The following ROBO1 variants were observed in gnomAD, a reference collection of about 807,000 sequenced individuals.
ROBO1 encodes roundabout homolog 1.
ROBO1 carries 149 observed loss-of-function variants against 195.9 expected under a neutral mutation model. That is an observed-to-expected ratio of 0.76 (90% CI 0.67 to 0.87). The LOEUF (loss-of-function observed/expected upper bound fraction) is 0.87, where lower values mean the gene tolerates loss of function less well. ROBO1 is among the 40% of genes least tolerant of loss of function. ROBO1 has a pLI of 0.00. For synonymous variants in ROBO1, 816 were observed against 733.2 expected (o/e 1.11, Z -1.82); for missense variants, 1,933 against 2,068.3 (o/e 0.93, Z 1.27).
At position 78,938,821 on chromosome 3, in the gene ROBO1, G is replaced by T; in HGVS notation, c.279C>A (p.Gly93=). 5.0e-6 allele frequency: 8 copies of T among 1,613,986 alleles called. No homozygotes were observed. Among genetic ancestry groups the T allele is most frequent in the Non-Finnish European group, 6.8e-6 (8 of 1,179,880 alleles). The part of the protein sequence containing the change: ...EPATLNCKAE[G]RPTPTIEWYK... ...ACCATTCAATAGTGGGTGTGGGGCG[G>T]CCTTCAGCTTTGCAGTTCAAAGTTG... The change falls in exon 4 of 31, where the codon GGC becomes GGA. Residue 93 remains glycine (G), a synonymous_variant. Coordinates refer to ENST00000464233, the MANE Select transcript of ROBO1 (RefSeq NM_002941.4).
rs1368005186 is a variant in ROBO1, at chr3:79,062,154, GA to G, written c.172+63301del. Among the ~76,000 whole-genome samples the G allele has an allele frequency of 1.1e-4, 17 of 150,568 alleles. No individual in the cohort carries two copies. The East Asian group carries it at 2.6e-3, about 23-fold the overall frequency. On this transcript the variant is annotated intron_variant, in intron 3 of 30. Coordinates refer to ENST00000464233, the MANE Select transcript of ROBO1 (RefSeq NM_002941.4). Reference sequence around the variant, plus strand: ...ACACAGAACTTAAATAAATTAACGAGAAAAAAAACAAACCCATCAAAAAGTG... The same window carrying G: ...ACACAGAACTTAAATAAATTAACGAGAAAAAAACAAACCCATCAAAAAGTG...
rs1014000347 is a variant in ROBO1, at chr3:79,044,030, C to T, written c.172+81426G>A. ...ACTTGGGGTAATAGTGTATCAGGGG[C>T]GTCCAATCTTTTGGCTTCCCTGGGC... is the stretch of plus-strand genomic sequence containing the variant. On this transcript the variant is annotated intron_variant, in intron 3 of 30. Transcript: ENST00000464233. Among the ~76,000 whole-genome samples, 7 of 151,518 alleles carry T rather than the reference C, an allele frequency of 4.6e-5. No homozygotes were observed. In the East Asian group the frequency reaches 7.8e-4, roughly 17 times the overall value.
At chr3:78,826,423 T>G (rs2031608476) in intron 4 of ROBO1, among the ~76,000 whole-genome samples, 2 of 152,158 alleles carry the variant, frequency 1.3e-5, no homozygotes, top group African/African-American at 4.8e-5. Flanking sequence ...AAATTAATAG[T>G]TTTTGAGGAA....
At chr3:78,861,300 A>C (rs2034820961) in intron 4 of ROBO1, among the ~76,000 whole-genome samples, 1 of 152,148 alleles carries the variant, frequency 6.6e-6, no homozygotes, top group Non-Finnish European at 1.5e-5. Flanking sequence ...TCAATTCAAC[A>C]TCCTGAACGT....
chr3:78,959,155 T>C (rs2041209369), intron 3 of ROBO1, among the ~76,000 whole-genome samples: 1 of 151,840 alleles, frequency 6.6e-6, no homozygotes, highest in South Asian at 2.1e-4. Flanking sequence ...AAATATCCCA[T>C]CAAAAAAAAT....
At chr3:79,561,603 A>G (rs1385121056) in intron 2 of ROBO1, among the ~76,000 whole-genome samples, 12 of 152,184 alleles carry the variant, frequency 7.9e-5, no homozygotes, top group Admixed American at 7.9e-4. Context: ...AGTCTTTTTA[A>G]ACAGGAAGGC....
intron 3 of ROBO1, among the ~76,000 whole-genome samples, chr3:79,060,587 T>C (rs1239665401): frequency 6.6e-6 from 1 of 151,756 alleles, no homozygotes; most frequent in African/African-American, 2.4e-5. Context: ...TGGGGGCTGG[T>C]TCCCCCCATA....
intron 1 of ROBO1, among the ~76,000 whole-genome samples, chr3:79,721,364 TA>T (rs573376512): frequency 6.6e-6 from 1 of 151,942 alleles, no homozygotes; most frequent in African/African-American, 2.4e-5. Context: ...GTTTATATCA[TA>T]AAAAAACTAA....
intron 4 of ROBO1, among the ~76,000 whole-genome samples, chr3:78,934,460 G>C (rs1422822455): frequency 1.3e-5 from 2 of 151,600 alleles, no homozygotes; most frequent in Non-Finnish European, 3.0e-5. Context: ...AAAGACAAAA[G>C]TAAAGGAAAC....
At chr3:79,214,157 G>A (rs1211670845) in intron 2 of ROBO1, among the ~76,000 whole-genome samples, 2 of 151,980 alleles carry the variant, frequency 1.3e-5, no homozygotes, top group Admixed American at 1.3e-4. Flanking sequence ...TTCCAGGTGA[G>A]ACCATGGCAA....
At chr3:79,604,472 G>T (rs187253995) in intron 1 of ROBO1, among the ~76,000 whole-genome samples, 4 of 152,086 alleles carry the variant, frequency 2.6e-5, no homozygotes, top group East Asian at 1.9e-4. Flanking sequence ...GTAGGCACTT[G>T]GTTCTTTGTT....
At position 78,968,880 on chromosome 3, in the gene ROBO1, C is replaced by A. The variant is rs768892752; in HGVS notation, c.173-29953G>T. Among the ~76,000 whole-genome samples, 3 of 152,212 alleles carry A rather than the reference C, an allele frequency of 2.0e-5. No homozygotes were observed. In the South Asian group the frequency reaches 6.2e-4, roughly 32 times the overall value. On this transcript the variant is annotated intron_variant, in intron 3 of 30. Transcript: ENST00000464233. ...ATTTTATAACAGGCACAAATAGGCACCAGTGTTTTCTGTATTTTATCTTAA... is the reference window on the plus strand; with the variant it reads ...ATTTTATAACAGGCACAAATAGGCAACAGTGTTTTCTGTATTTTATCTTAA...
chr3:78,741,670 A>G (rs1033804873), intron 5 of ROBO1, among the ~76,000 whole-genome samples: 3 of 152,166 alleles, frequency 2.0e-5, no homozygotes, highest in Non-Finnish European at 4.4e-5. Context: ...AAAGACATCC[A>G]AAAGAACACT....
chr3:79,506,664 C>T (rs568022186), intron 2 of ROBO1, among the ~76,000 whole-genome samples: 3 of 152,050 alleles, frequency 2.0e-5, no homozygotes, highest in Non-Finnish European at 4.4e-5. Context: ...AGGATGGTCT[C>T]GATCTCCTGA....
intron 5 of ROBO1, among the ~76,000 whole-genome samples, chr3:78,719,994 C>A (rs970298422): frequency 1.3e-5 from 2 of 151,830 alleles, no homozygotes; most frequent in African/African-American, 4.8e-5. Context: ...TTATCATAAC[C>A]CTGCTGTGAG....
chr3:79,656,936 T>C (rs113650238), intron 1 of ROBO1, among the ~76,000 whole-genome samples: 3 of 151,798 alleles, frequency 2.0e-5, no homozygotes, highest in African/African-American at 7.3e-5. Flanking sequence ...GATATAACAA[T>C]GGACAACTAT....
chr3:79,502,240 T>A (rs1255655535), intron 2 of ROBO1, among the ~76,000 whole-genome samples: 1 of 152,096 alleles, frequency 6.6e-6, no homozygotes, highest in Admixed American at 6.5e-5. Context: ...TCCCTCAGCT[T>A]GCGGGGAGGT....
At chr3:79,114,422 G>A (rs2079951828) in intron 3 of ROBO1, among the ~76,000 whole-genome samples, 1 of 152,130 alleles carries the variant, frequency 6.6e-6, no homozygotes, top group South Asian at 2.1e-4. Flanking sequence ...AGATATAGTA[G>A]CATATATTCA....
intron 3 of ROBO1, among the ~76,000 whole-genome samples, chr3:79,112,152 G>A (rs780261057): frequency 3.9e-5 from 6 of 152,068 alleles, no homozygotes; most frequent in South Asian, 2.1e-4. Flanking sequence ...TGACACATGC[G>A]GCTTGCATCT....
Sources: gnomAD v4.1 joint callset for allele counts (sites outside exome capture counted in the v4.1 genomes callset) on GRCh38, gnomAD v4.1.1 for gene constraint, MANE v1.5 for transcripts, NCBI Gene and HGNC (gene_info 2026-07-23, HGNC 2026-07-21) for gene names.